Variants in SHANK2 observed in about 807,000 individuals in gnomAD.
SHANK2 encodes the protein SH3 and multiple ankyrin repeat domains 2.
Under a neutral mutation model 133.7 loss-of-function variants are expected in SHANK2, and 43 were observed. The ratio of observed to expected loss-of-function variants is 0.32; its 90% CI spans 0.25 to 0.41. The LOEUF (loss-of-function observed/expected upper bound fraction) is 0.41. SHANK2 is among the 10% of genes least tolerant of loss of function. The pLI is 1.00. For synonymous variants in SHANK2, 1,017 were observed against 952.8 expected (o/e 1.07, Z -1.24); for missense variants, 1,994 against 2,235.8 (o/e 0.89, Z 2.18).
intron 1 of SHANK2, among the ~76,000 whole-genome samples, chr11:71,236,871 CAAAT>C (rs1954831490): frequency 6.6e-6 from 1 of 152,308 alleles, no homozygotes; most frequent in Middle Eastern, 3.4e-3. Context: ...TCAAAACAAA[CAAAT>C]AAACAAAACC....
intron 17 of SHANK2, among the ~76,000 whole-genome samples, chr11:70,587,005 G>A (rs1358839656): frequency 6.6e-6 from 1 of 152,158 alleles, no homozygotes; most frequent in Non-Finnish European, 1.5e-5. Flanking sequence ...ATGCACCGCT[G>A]GGCACATGCA....
intron 17 of SHANK2, among the ~76,000 whole-genome samples, chr11:70,543,888 G>A (rs967168861): frequency 5.9e-5 from 9 of 152,222 alleles, no homozygotes; most frequent in Non-Finnish European, 1.2e-4. Context: ...TGAATTAGGG[G>A]CACCTGCTGG....
chr11:70,502,007 A>G (rs898362963), intron 19 of SHANK2, 76 bp from the exon 20 acceptor site: 89 of 1,492,546 alleles, frequency 6.0e-5, no homozygotes, highest in Non-Finnish European at 8.0e-5. Context: ...ACTAGCAACA[A>G]CGCCCCGCGA....
At chr11:70,695,540 G>A (rs1333254802) in intron 15 of SHANK2, among the ~76,000 whole-genome samples, 6 of 152,160 alleles carry the variant, frequency 3.9e-5, no homozygotes, top group South Asian at 2.1e-4. Context: ...CCTCCTCCTC[G>A]TCAGTTTCCC....
At chr11:70,608,006 CAG>C (rs1285118392) in intron 17 of SHANK2, among the ~76,000 whole-genome samples, 2 of 152,202 alleles carry the variant, frequency 1.3e-5, no homozygotes, top group Non-Finnish European at 2.9e-5. Context: ...GTGGCTTGCC[CAG>C]AGTCACACAG....
At chr11:71,225,845 C>T (rs1363849859) in intron 1 of SHANK2, among the ~76,000 whole-genome samples, 5 of 152,208 alleles carry the variant, frequency 3.3e-5, no homozygotes, top group Admixed American at 2.0e-4. Context: ...TAGAACTGGC[C>T]GGGCACGGTG....
chr11:70,697,171 G>C (rs1945411405), intron 15 of SHANK2, among the ~76,000 whole-genome samples: 1 of 152,222 alleles, frequency 6.6e-6, no homozygotes, highest in African/African-American at 2.4e-5. Flanking sequence ...AGACAAAAGA[G>C]CTCTGGAGCT....
At chr11:70,759,977 C>A (rs1306110748) in intron 14 of SHANK2, among the ~76,000 whole-genome samples, 4 of 152,244 alleles carry the variant, frequency 2.6e-5, no homozygotes, top group African/African-American at 9.6e-5. Context: ...CCTGCAGACA[C>A]CTTGATTTCA....
rs1555085419 is a variant in SHANK2, at chr11:70,946,324, CACTTCCCA to C, written c.1108-49765_1108-49758del. 9.6e-5 allele frequency among the ~76,000 whole-genome samples: 14 copies of C among 145,904 alleles called. 1 individual carries two copies. Among genetic ancestry groups the C allele is most frequent in the Admixed American group, 1.4e-4 (2 of 14,682 alleles). ...CTCAACCTCTCTCTCCACTAACCAA[CACTTCCCA>C]GGATCAGCCTCCCTCTCCACTAACC... is the stretch of plus-strand genomic sequence containing the variant. On this transcript the variant is annotated intron_variant, in intron 10 of 25. Transcript: ENST00000601538.
chr11:71,183,963 TGTGTTCTACGC>T (rs1337186258), intron 2 of SHANK2, among the ~76,000 whole-genome samples: 5 of 152,176 alleles, frequency 3.3e-5, no homozygotes, highest in Admixed American at 3.3e-4. Flanking sequence ...TGGGAAGGGG[TGTGTTCTACGC>T]TTGTACTTCC....
chr11:70,703,681 TC>T (rs1945593743), intron 14 of SHANK2, among the ~76,000 whole-genome samples: 1 of 152,182 alleles, frequency 6.6e-6, no homozygotes, highest in South Asian at 2.1e-4. Flanking sequence ...CACACCAGCC[TC>T]CCTGTGCACC....
At chr11:70,621,765 T>C (rs1218447029) in intron 17 of SHANK2, among the ~76,000 whole-genome samples, 1 of 152,090 alleles carries the variant, frequency 6.6e-6, no homozygotes, top group Non-Finnish European at 1.5e-5. Flanking sequence ...ATGATGGAGA[T>C]ACATGGGGAT....
Position 71,196,044 on chromosome 11 carries a change from A to G in SHANK2, c.-13+28653T>C, listed in dbSNP as rs192816179. On this transcript the variant is annotated intron_variant, in intron 2 of 25. Coordinates refer to ENST00000601538, the MANE Select transcript of SHANK2 (RefSeq NM_012309.5). ...AAAAATATTTAAAAATTAGCCAAGC[A>G]TGGTGGTGTGTGTCTGGGGTCACAG... 2.2e-3 allele frequency among the ~76,000 whole-genome samples: 333 copies of G among 152,130 alleles called. 1 individual carries two copies. Among genetic ancestry groups the G allele is most frequent in the African/African-American group, 7.6e-3 (317 of 41,524 alleles).
rs1447625448 is a variant in SHANK2, at chr11:71,154,181, G to A, written c.-12-6843C>T. ...GTAAAATGTGCTCGGCCTCAAGGCA[G>A]TGAGGACCCCGAGGCTCCCCTGGTG... On this transcript the variant is annotated intron_variant, in intron 2 of 25. Coordinates refer to ENST00000601538, the MANE Select transcript of SHANK2 (RefSeq NM_012309.5). Among the ~76,000 whole-genome samples, 3 of 152,190 alleles carry A rather than the reference G, an allele frequency of 2.0e-5. No homozygotes were observed. In the East Asian group the frequency reaches 5.8e-4, roughly 29 times the overall value.
intron 17 of SHANK2, among the ~76,000 whole-genome samples, chr11:70,554,470 A>G (rs1554979038): frequency 6.6e-6 from 1 of 151,594 alleles, no homozygotes; most frequent in Non-Finnish European, 1.5e-5. Context: ...TTTAACAAAG[A>G]CTTTATATTT....
intron 17 of SHANK2, among the ~76,000 whole-genome samples, chr11:70,620,426 G>C (rs1480785951): frequency 6.6e-6 from 1 of 152,182 alleles, no homozygotes; most frequent in Non-Finnish European, 1.5e-5. Context: ...AAGCAGAACA[G>C]GTAATCCCAT....
At chr11:70,563,913 C>T (rs114150554) in intron 17 of SHANK2, among the ~76,000 whole-genome samples, 17 of 152,216 alleles carry the variant, frequency 1.1e-4, no homozygotes, top group African/African-American at 4.1e-4. Context: ...GTTGAAATAA[C>T]TCTGTTGAAT....
chr11:71,208,324 G>C (rs534614614), intron 2 of SHANK2, among the ~76,000 whole-genome samples: 1 of 152,186 alleles, frequency 6.6e-6, no homozygotes, highest in Admixed American at 6.5e-5. Flanking sequence ...TGGGGAAGTT[G>C]GGGGGAGAAG....
chr11:70,562,457 A>G (rs898936819), intron 17 of SHANK2, among the ~76,000 whole-genome samples: 4 of 152,198 alleles, frequency 2.6e-5, no homozygotes, highest in African/African-American at 7.2e-5. Flanking sequence ...GTTATTAGGT[A>G]CATACATGTT....
Sources: allele counts gnomAD v4.1 joint callset (sites outside exome capture counted in the v4.1 genomes callset), GRCh38; gene constraint gnomAD v4.1.1; transcripts MANE v1.5; gene names NCBI Gene and HGNC (gene_info 2026-07-23, HGNC 2026-07-21).